CXXC4: variants seen among roughly 807,000 people sequenced by gnomAD.
CXXC4 encodes CXXC-type zinc finger protein 4.
In CXXC4, 5 loss-of-function variants were observed where a neutral mutation model predicts 20.5. The observed-to-expected ratio is 0.24, with a 90% CI of 0.13 to 0.51. The LOEUF (loss-of-function observed/expected upper bound fraction) is 0.51. Ranked by LOEUF, CXXC4 falls within the 20% of genes least tolerant of loss-of-function variation. The pLI is 0.97. For synonymous variants in CXXC4, 250 were observed against 216.4 expected (o/e 1.16, Z -1.36); for missense variants, 419 against 496.4 (o/e 0.84, Z 1.48).
Position 104,491,798 on chromosome 4 carries a change from T to C in CXXC4, c.5A>G (p.Asn2Ser). Residue 2 changes from asparagine to serine, a missense_variant, in exon 2 of 3, where the codon AAC (asparagine) becomes AGC (serine). This residue lies in a region of CXXC4 where 388 missense variants were observed against 416.0 expected (regional missense o/e 0.93). Transcript: ENST00000394767. M[N>S]TNVCVEPGPS... ...CCCGGGCTCCACGCAGACATTGGTGTTCATGGTGCAGGGGGGGAAGAAGGG... is the reference window on the plus strand; with the variant it reads ...CCCGGGCTCCACGCAGACATTGGTGCTCATGGTGCAGGGGGGGAAGAAGGG... 6.8e-7 allele frequency: 1 copy of C among 1,464,452 alleles called. No individual in the cohort carries two copies. Among genetic ancestry groups the C allele is most frequent in the Non-Finnish European group, 9.1e-7 (1 of 1,099,536 alleles). The allele number at this position is 1,464,452 out of a possible 1,614,324, so 90.7% of individuals were successfully genotyped here.
rs1412290183 is a variant in CXXC4 at position 104,491,401 on chromosome 4, G to A, written c.402C>T (p.Gly134=). 1.6e-6 allele frequency: 2 copies of A among 1,218,304 alleles called. No individual in the cohort carries two copies. The highest frequency in any genetic ancestry group is 2.1e-6 in the Non-Finnish European group (2 of 965,716). 75.5% of individuals were successfully genotyped at this position (1,218,304 alleles called of 1,614,324 possible). A position where few individuals can be genotyped will look rare whatever the true frequency, so the allele number is the denominator to read the frequency against. Residue 134 remains glycine, a synonymous_variant, in exon 2 of 3, where the codon GGC becomes GGT. Transcript: ENST00000394767. ...GGGGGGGGGG[G]RKSSSAAASS... is the part of the protein sequence containing the mutation. The stretch of plus-strand genomic sequence containing the variant: ...AGGCGGCGGCGGAGGAGGATTTCCT[G>A]CCGCCCCCACCACCCCCGCCCCCGC...
chr4:104,470,084 C>T lies in CXXC4; in HGVS notation c.*2238G>A, dbSNP rs998243612. ...CAAAGAGCAAGGCAAGCTTATCATTCAAGTGTGAAAGTAAGTTTTCACTTA... is the reference window on the plus strand; with the variant it reads ...CAAAGAGCAAGGCAAGCTTATCATTTAAGTGTGAAAGTAAGTTTTCACTTA... On this transcript the variant is annotated 3_prime_UTR_variant, in exon 3 of 3. Coordinates refer to ENST00000394767, the MANE Select transcript of CXXC4 (RefSeq NM_025212.4). 6.7e-6 allele frequency: 1 copy of T among 149,420 alleles called. No homozygotes were observed. The highest frequency in any genetic ancestry group is 2.5e-5 in the African/African-American group (1 of 40,480). The allele number at this position is 149,420 out of a possible 1,614,324, so 9.3% of individuals were successfully genotyped here.
intron 2 of CXXC4, among the ~76,000 whole-genome samples, chr4:104,481,193 T>C (rs1046568235): frequency 6.6e-6 from 1 of 152,162 alleles, no homozygotes; most frequent in East Asian, 1.9e-4. Flanking sequence ...AATGTTAGTT[T>C]AAATGTGGCC....
chr4:104,489,946 G>A (rs866309685), intron 2 of CXXC4, among the ~76,000 whole-genome samples: 1 of 152,162 alleles, frequency 6.6e-6, no homozygotes, highest in East Asian at 1.9e-4. Context: ...TTTGTCCAAT[G>A]CAGAGCCCAG....
In CXXC4 at chr4:104,491,452, A is replaced by G. The variant is rs1023816027; in HGVS notation, c.351T>C (p.Gly117=). The change falls in exon 2 of 3, where the codon GGT becomes GGC. Residue 117 remains glycine (G), a synonymous_variant. Coordinates refer to ENST00000394767, the MANE Select transcript of CXXC4 (RefSeq NM_025212.4). The stretch of plus-strand genomic sequence containing the variant: ...CTCCGCCGCCGCCGCCGCCGCCGCC[A>G]CCCCCCCCGCCGCCGCCCCCGCCCC... ...SGGGGGGGGG[G]GGGGGGGGGG... The G allele has an allele frequency of 2.8e-5, 22 of 789,608 alleles. No homozygotes were observed. The highest frequency in any genetic ancestry group is 6.4e-5 in the Admixed American group (1 of 15,530). 48.9% of individuals were successfully genotyped at this position (789,608 alleles called of 1,614,324 possible). A position where few individuals can be genotyped will look rare whatever the true frequency, so the allele number is the denominator to read the frequency against.
rs557484335 is a variant in CXXC4, at chr4:104,476,882, T to G, written c.1060-4516A>C. On this transcript the variant is annotated intron_variant, in intron 2 of 2. Transcript: ENST00000394767. ...CAAAAGTCATGAAATCATTTTATGA[T>G]TCCCATATAATCGTGAAGCATGCTT... 2.6e-4 allele frequency among the ~76,000 whole-genome samples: 40 copies of G among 152,304 alleles called. No homozygotes were observed. In the South Asian group the frequency reaches 3.5e-3, roughly 13 times the overall value.
chr4:104,486,926 A>G (rs1276949744), intron 2 of CXXC4, among the ~76,000 whole-genome samples: 1 of 152,082 alleles, frequency 6.6e-6, no homozygotes, highest in Admixed American at 6.5e-5. Flanking sequence ...GGCTCTTAGA[A>G]CTTAACAGCG....
chr4:104,478,628 T>C (rs1235234187), intron 2 of CXXC4, among the ~76,000 whole-genome samples: 2 of 152,148 alleles, frequency 1.3e-5, no homozygotes, highest in African/African-American at 4.8e-5. Context: ...TAAGTAAATT[T>C]AGTGTATTAT....
At chr4:104,488,274 G>A (rs1291908752) in intron 2 of CXXC4, among the ~76,000 whole-genome samples, 1 of 152,130 alleles carries the variant, frequency 6.6e-6, no homozygotes, top group African/African-American at 2.4e-5. Flanking sequence ...GAGAAACCAG[G>A]TCAGCAGGGG....
intron 2 of CXXC4, among the ~76,000 whole-genome samples, chr4:104,485,903 G>A (rs184358429): frequency 5.9e-5 from 9 of 152,044 alleles, no homozygotes; most frequent in African/African-American, 2.2e-4. Flanking sequence ...ACAAAATATA[G>A]AGAAATACTT....
chr4:104,470,027 G>C lies in CXXC4; in HGVS notation c.*2295C>G, dbSNP rs888678274. 18 of 151,950 alleles carry C rather than the reference G, an allele frequency of 1.2e-4. No individual in the cohort carries two copies. Among genetic ancestry groups the C allele is most frequent in the African/African-American group, 4.3e-4 (18 of 41,486 alleles). 9.4% of individuals were successfully genotyped at this position (151,950 alleles called of 1,614,324 possible). On this transcript the variant is annotated 3_prime_UTR_variant, in exon 3 of 3. Transcript: ENST00000394767. ...CCTACTGTAGCCTGAATAGAAGTTT[G>C]TTTCACTTCTGTAATAACAATCATC... is the stretch of plus-strand genomic sequence containing the variant.
At position 104,469,907 on chromosome 4, in the gene CXXC4, G is replaced by T. The variant is rs1736219516; in HGVS notation, c.*2415C>A. On this transcript the variant is annotated 3_prime_UTR_variant, in exon 3 of 3. Transcript: ENST00000394767. ...ATATACAGATTCATTAGTTCTTTTAGAAAGCAAACAAACAAAAGCACACCA... is the reference window on the plus strand; with the variant it reads ...ATATACAGATTCATTAGTTCTTTTATAAAGCAAACAAACAAAAGCACACCA... The T allele has an allele frequency of 1.3e-5, 2 of 151,724 alleles. No homozygotes were observed. Among genetic ancestry groups the T allele is most frequent in the Non-Finnish European group, 2.9e-5 (2 of 67,892 alleles). 9.4% of individuals were successfully genotyped at this position (151,724 alleles called of 1,614,324 possible).
chr4:104,494,581 CCTAACACAAA>C (rs1182242798), intron 1 of CXXC4, 110 bp downstream of exon 1: 1 of 151,638 alleles, frequency 6.6e-6, no homozygotes, highest in Non-Finnish European at 1.5e-5. Flanking sequence ...CACATCACCC[CCTAACACAAA>C]GAAACACAAA....
intron 2 of CXXC4, among the ~76,000 whole-genome samples, chr4:104,473,902 A>G (rs1736339999): frequency 2.0e-5 from 3 of 151,984 alleles, no homozygotes; most frequent in Admixed American, 1.3e-4. Flanking sequence ...TATTTGGTGG[A>G]CATTGTCCTA....
At chr4:104,475,226 C>T (rs1178006720) in intron 2 of CXXC4, 3 of 152,062 alleles carry the variant, frequency 2.0e-5, no homozygotes, top group Non-Finnish European at 4.4e-5. Flanking sequence ...TTATTTCTTC[C>T]TTATATTAAG....
intron 2 of CXXC4, among the ~76,000 whole-genome samples, chr4:104,483,334 T>C (rs1462283266): frequency 6.6e-6 from 1 of 152,036 alleles, no homozygotes; most frequent in African/African-American, 2.4e-5. Flanking sequence ...GTTCTTTCTA[T>C]ACACTGCATT....
intron 2 of CXXC4, among the ~76,000 whole-genome samples, chr4:104,474,798 G>A (rs373798421): frequency 2.6e-5 from 4 of 152,082 alleles, no homozygotes; most frequent in Admixed American, 6.6e-5. Flanking sequence ...ATATGTTTAC[G>A]AAGATAAACA....
chr4:104,480,610 A>T (rs146301405), intron 2 of CXXC4, among the ~76,000 whole-genome samples: 13 of 134,652 alleles, frequency 9.7e-5, no homozygotes, highest in African/African-American at 4.5e-4. Context: ...TTTTTCCACC[A>T]TGGTAAATGG....
Position 104,490,925 on chromosome 4 carries a change from CCT to C in CXXC4, c.876_877del (p.Gly294SerfsTer45). 2 of 1,614,124 alleles carry C rather than the reference CCT, an allele frequency of 1.2e-6. No homozygotes were observed. Among genetic ancestry groups the C allele is most frequent in the Non-Finnish European group, 8.5e-7 (1 of 1,180,026 alleles). On this transcript the variant is annotated frameshift_variant, in exon 2 of 3. Coordinates refer to ENST00000394767, the MANE Select transcript of CXXC4 (RefSeq NM_025212.4). LOFTEE classifies it high-confidence loss of function. ...GGCTGGGTTGGCTCCGCCAGCTCCC[CCT>C]GAGGAGGACGAGGAGGAGGAGGAAT...
Sources: allele counts gnomAD v4.1 joint callset (sites outside exome capture counted in the v4.1 genomes callset), GRCh38; gene constraint gnomAD v4.1.1; regional missense constraint gnomAD v4.1.1; transcripts MANE v1.5; gene names NCBI Gene and HGNC (gene_info 2026-07-23, HGNC 2026-07-21).